RTL4: variants seen among roughly 807,000 people sequenced by gnomAD.
RTL4 encodes the protein retrotransposon Gag-like protein 4.
A neutral mutation model predicts 5.3 loss-of-function variants in RTL4; 4 were observed. That is an observed-to-expected ratio of 0.75 (90% CI 0.37 to 1.72). RTL4 has a LOEUF of 1.72. Ranked by LOEUF, RTL4 falls within the 40% of genes most tolerant of loss-of-function variation. RTL4 has a pLI of 0.04. For missense variants in RTL4, 260 were observed against 227.1 expected, an observed-to-expected ratio of 1.14 and a Z score of -0.93; for synonymous variants, 98 against 87.3, an observed-to-expected ratio of 1.12 and a Z score of -0.68.
chrX:112,161,406 G>A, the RTL4 span, among the ~76,000 whole-genome samples: 2 of 111,724 alleles, frequency 1.8e-5, no homozygotes, highest in Admixed American at 1.9e-4. Flanking sequence ...TATATCAGCT[G>A]TTAACATGTT....
At chrX:112,362,159 C>T in the RTL4 span, among the ~76,000 whole-genome samples, 1 of 112,242 alleles carries the variant, frequency 8.9e-6, no homozygotes, top group Admixed American at 9.4e-5. Flanking sequence ...ATGTCCTCAG[C>T]AAAGCCATGG....
chrX:112,231,549 C>T, the RTL4 span, among the ~76,000 whole-genome samples: 11 of 81,403 alleles, frequency 1.4e-4, no homozygotes, highest in Non-Finnish European at 1.8e-4. Context: ...GGAAGGGGAA[C>T]ATCACACACC....
chrX:112,200,860 G>A, the RTL4 span, among the ~76,000 whole-genome samples: 46 of 111,691 alleles, frequency 4.1e-4, no homozygotes, highest in Non-Finnish European at 7.0e-4. Context: ...ATTTGTCAGG[G>A]GCAGGATAGA....
the RTL4 span, among the ~76,000 whole-genome samples, chrX:112,165,362 A>G: frequency 8.9e-6 from 1 of 112,319 alleles, no homozygotes; most frequent in Non-Finnish European, 1.9e-5. Flanking sequence ...TAGTCTTGAG[A>G]AAAGACAATA....
the RTL4 span, among the ~76,000 whole-genome samples, chrX:112,290,954 G>T: frequency 8.9e-6 from 1 of 111,894 alleles, no homozygotes; most frequent in African/African-American, 3.2e-5. Flanking sequence ...GCTATTAAAT[G>T]GGATATGGTC....
At chrX:112,455,287 G>T (rs919167939) in exon 1 of RTL4, 2 of 1,209,550 alleles carry the variant, frequency 1.7e-6, no homozygotes, top group African/African-American at 3.5e-5. Context: ...GTTCGAAAAG[G>T]CACTAGCTGA....
At chrX:112,116,481 C>T in the RTL4 span, among the ~76,000 whole-genome samples, 1 of 111,357 alleles carries the variant, frequency 9.0e-6, no homozygotes, top group East Asian at 2.8e-4. Context: ...CTGGGGTGAC[C>T]AGCTTTTATT....
chrX:112,389,734 T>C, the RTL4 span, among the ~76,000 whole-genome samples: 1 of 110,841 alleles, frequency 9.0e-6, no homozygotes, highest in Non-Finnish European at 1.9e-5. Flanking sequence ...TAGTTTTAAC[T>C]TTTATTTTTA....
At chrX:112,259,562 A>G in the RTL4 span, among the ~76,000 whole-genome samples, 22,446 of 109,099 alleles carry the variant, frequency 0.21, 1,852 homozygotes, top group African/African-American at 0.31. Context: ...TTTTGCACCA[A>G]CCTAATAAAA....
chrX:112,332,850 G>T, the RTL4 span, among the ~76,000 whole-genome samples: 2 of 110,781 alleles, frequency 1.8e-5, no homozygotes, highest in South Asian at 3.8e-4. Context: ...AGAAAATAAG[G>T]TATTAAAATC....
chrX:112,397,651 T>G, the RTL4 span, among the ~76,000 whole-genome samples: 1 of 112,210 alleles, frequency 8.9e-6, no homozygotes, highest in Non-Finnish European at 1.9e-5. Context: ...TCCATTTATT[T>G]GTTTTCATTG....
the RTL4 span, among the ~76,000 whole-genome samples, chrX:112,415,622 A>G: frequency 9.0e-6 from 1 of 111,120 alleles, no homozygotes; most frequent in African/African-American, 3.3e-5. Context: ...GCATGTGTGA[A>G]GCTATTGTGG....
At chrX:112,225,573 C>T in the RTL4 span, among the ~76,000 whole-genome samples, 1 of 111,852 alleles carries the variant, frequency 8.9e-6, no homozygotes, top group Non-Finnish European at 1.9e-5. Context: ...TCCATTCTCT[C>T]CAGTGCCTGT....
the RTL4 span, among the ~76,000 whole-genome samples, chrX:112,330,032 G>C: frequency 2.2e-3 from 223 of 102,428 alleles, 1 homozygote; most frequent in African/African-American, 7.3e-3. Flanking sequence ...AGCTATCTAT[G>C]ACAAACCCAC....
the RTL4 span, among the ~76,000 whole-genome samples, chrX:112,173,790 T>G: frequency 1.1e-4 from 12 of 110,655 alleles, no homozygotes; most frequent in East Asian, 2.6e-3. Flanking sequence ...TTTGATACTT[T>G]ATTGTAGTTT....
At chrX:112,158,921 G>A in the RTL4 span, among the ~76,000 whole-genome samples, 3 of 111,617 alleles carry the variant, frequency 2.7e-5, no homozygotes, top group Non-Finnish European at 5.6e-5. Flanking sequence ...GGTTTACAGA[G>A]ATATACACTC....
the RTL4 span, among the ~76,000 whole-genome samples, chrX:112,386,897 G>A: frequency 8.9e-6 from 1 of 111,832 alleles, no homozygotes; most frequent in Non-Finnish European, 1.9e-5. Context: ...GGATCAAATG[G>A]TAGTTCTACT....
At chrX:112,338,154 G>A in the RTL4 span, among the ~76,000 whole-genome samples, 7 of 111,692 alleles carry the variant, frequency 6.3e-5, no homozygotes, top group Non-Finnish European at 1.3e-4. Flanking sequence ...ACAATGGGCA[G>A]GGAAGAGATG....
the RTL4 span, among the ~76,000 whole-genome samples, chrX:112,299,447 G>T: frequency 8.9e-6 from 1 of 112,215 alleles, no homozygotes; most frequent in Admixed American, 9.5e-5. Context: ...CTTAAAAATA[G>T]TTAAGACGAC....
Sources: allele counts gnomAD v4.1 joint callset (sites outside exome capture counted in the v4.1 genomes callset), GRCh38; gene constraint gnomAD v4.1.1; transcripts MANE v1.5; gene names NCBI Gene and HGNC (gene_info 2026-07-23, HGNC 2026-07-21).